RPA1: variants seen among roughly 807,000 people sequenced by gnomAD.
RPA1 encodes replication protein A 70 kDa DNA-binding subunit.
Under a neutral mutation model 83.0 loss-of-function variants are expected in RPA1, and 49 were observed. That is an observed-to-expected ratio of 0.59 (90% CI 0.47 to 0.75). The LOEUF (loss-of-function observed/expected upper bound fraction) is 0.75. RPA1 is among the 30% of genes least tolerant of loss of function. The pLI, the probability that RPA1 is intolerant of heterozygous loss-of-function variation, is 0.00. For missense variants in RPA1, 693 were observed against 776.1 expected (o/e 0.89, Z 1.27); for synonymous variants, 279 against 281.8 (o/e 0.99, Z 0.10).
intron 5 of RPA1, among the ~76,000 whole-genome samples, chr17:1,855,919 AT>A (rs1206383092): frequency 5.9e-5 from 9 of 152,002 alleles, no homozygotes; most frequent in Non-Finnish European, 1.3e-4. Flanking sequence ...ACTTTGGTAG[AT>A]TATGTGCTTC....
intron 13 of RPA1, among the ~76,000 whole-genome samples, chr17:1,888,151 T>C (rs2151290614): frequency 6.6e-6 from 1 of 152,332 alleles, no homozygotes; most frequent in African/African-American, 2.4e-5. Context: ...ATTTACTGTT[T>C]GGCTTTTTAC....
At chr17:1,867,882 C>G (rs897608609) in intron 5 of RPA1, among the ~76,000 whole-genome samples, 6 of 151,896 alleles carry the variant, frequency 4.0e-5, no homozygotes, top group African/African-American at 1.2e-4. Context: ...AGTTAAAGAT[C>G]AGCCTGGGTA....
intron 14 of RPA1, among the ~76,000 whole-genome samples, chr17:1,889,423 C>T (rs1430162532): frequency 6.6e-6 from 1 of 151,722 alleles, no homozygotes; most frequent in African/African-American, 2.4e-5. Context: ...GTGGCCCCAA[C>T]CTCCCGGGCT....
intron 6 of RPA1, among the ~76,000 whole-genome samples, chr17:1,874,044 C>T (rs1488429280): frequency 3.5e-5 from 5 of 142,220 alleles, no homozygotes; most frequent in South Asian, 2.3e-4. Context: ...CACACACACA[C>T]ACACACACAC....
At chr17:1,855,631 G>A (rs1167379632) in intron 5 of RPA1, among the ~76,000 whole-genome samples, 1 of 152,110 alleles carries the variant, frequency 6.6e-6, no homozygotes. Context: ...CGGTATTCAC[G>A]AGAGATATTT....
In RPA1 at chr17:1,884,193, G is replaced by A. The variant is rs138905873; in HGVS notation, c.1374+249G>A. 6.6e-6 allele frequency among the ~76,000 whole-genome samples: 1 copy of A among 152,286 alleles called. No individual in the cohort carries two copies. The highest frequency in any genetic ancestry group is 1.9e-4 in the East Asian group (1 of 5,192). On this transcript the variant is annotated intron_variant, in intron 13 of 16. Transcript: ENST00000254719. The surrounding 1 kb of genome is among the most constrained non-coding windows in gnomAD (Gnocchi z 4.1). ...AGAACTCTTAGAGTCAATTCCTAGA[G>A]GGATCTTGGAGCAGGGGTGACAGTC...
intron 1 of RPA1, among the ~76,000 whole-genome samples, chr17:1,837,223 C>T (rs1016744782): frequency 1.4e-4 from 22 of 152,224 alleles, no homozygotes; most frequent in African/African-American, 5.1e-4. Context: ...CCCACCTTGG[C>T]CTCCCAAAGT....
chr17:1,879,453 T>C, intron 10 of RPA1, 46 bp downstream of exon 10: 1 of 1,611,224 alleles, frequency 6.2e-7, no homozygotes, highest in Non-Finnish European at 8.5e-7. Flanking sequence ...CTAGCTTTCT[T>C]TGCAGTGTAC....
intron 5 of RPA1, among the ~76,000 whole-genome samples, chr17:1,871,183 C>T (rs1205792924): frequency 2.0e-5 from 3 of 152,202 alleles, no homozygotes; most frequent in Non-Finnish European, 4.4e-5. Flanking sequence ...AAAAATTTCA[C>T]TGTCAATAAT....
At chr17:1,852,421 GATGAGGCAAA>G (rs1339718679) in intron 4 of RPA1, among the ~76,000 whole-genome samples, 1 of 152,204 alleles carries the variant, frequency 6.6e-6, no homozygotes, top group Admixed American at 6.5e-5. Flanking sequence ...ATGAGTATTA[GATGAGGCAAA>G]ATGAGAAGGA....
At chr17:1,876,565 T>C (rs185519076) in intron 7 of RPA1, among the ~76,000 whole-genome samples, 1 of 152,286 alleles carries the variant, frequency 6.6e-6, no homozygotes, top group East Asian at 1.9e-4. Context: ...TCAAGATAAA[T>C]AAACAAAATA....
chr17:1,867,579 C>T (rs962090923), intron 5 of RPA1, among the ~76,000 whole-genome samples: 1 of 151,932 alleles, frequency 6.6e-6, no homozygotes, highest in Admixed American at 6.6e-5. Context: ...GGCCTGATAG[C>T]ACACTCCTCT....
At chr17:1,878,957 A>G (rs763138733) in intron 8 of RPA1, 36 bp from the exon 9 acceptor site, 15 of 1,611,902 alleles carry the variant, frequency 9.3e-6, no homozygotes, top group African/African-American at 2.7e-5. Flanking sequence ...CCTGTGTTCA[A>G]TCCCGCAGCC....
At chr17:1,847,678 A>G (rs1912311590) in intron 4 of RPA1, among the ~76,000 whole-genome samples, 1 of 152,186 alleles carries the variant, frequency 6.6e-6, no homozygotes, top group South Asian at 2.1e-4. Flanking sequence ...TTGTGGGGTC[A>G]ACGGACATCT....
chr17:1,875,375 T>C (rs1913534263), intron 6 of RPA1, among the ~76,000 whole-genome samples: 1 of 152,176 alleles, frequency 6.6e-6, no homozygotes, highest in Admixed American at 6.5e-5. Context: ...GAAACAGCAG[T>C]GTCTGGATTC....
intron 12 of RPA1, among the ~76,000 whole-genome samples, chr17:1,882,781 A>G (rs11654967): frequency 0.21 from 31,695 of 152,160 alleles, 3,453 homozygotes; most frequent in Admixed American, 0.25. Context: ...TTCGGTGATG[A>G]TCACCACGCA....
At chr17:1,882,361 T>C (rs146270037) in intron 12 of RPA1, among the ~76,000 whole-genome samples, 125 of 152,238 alleles carry the variant, frequency 8.2e-4, no homozygotes, top group African/African-American at 2.9e-3. Flanking sequence ...TGCTCTGGTT[T>C]ATAAAATCTT....
At chr17:1,857,014 T>G (rs1912724769) in intron 5 of RPA1, among the ~76,000 whole-genome samples, 1 of 152,064 alleles carries the variant, frequency 6.6e-6, no homozygotes, top group Admixed American at 6.5e-5. Flanking sequence ...TATTTTTTTC[T>G]CGTTTCTTAA....
chr17:1,889,956 C>G (rs1914143680), intron 14 of RPA1, among the ~76,000 whole-genome samples: 1 of 151,846 alleles, frequency 6.6e-6, no homozygotes, highest in Non-Finnish European at 1.5e-5. Flanking sequence ...GCCGAGATCA[C>G]ACCACTGCAC....
Sources: allele counts gnomAD v4.1 joint callset (sites outside exome capture counted in the v4.1 genomes callset), GRCh38; gene constraint gnomAD v4.1.1; non-coding constraint Gnocchi (gnomAD v3.1); transcripts MANE v1.5; gene names NCBI Gene and HGNC (gene_info 2026-07-23, HGNC 2026-07-21).